PARN: variants seen among roughly 807,000 people sequenced by gnomAD.
PARN encodes poly(A)-specific ribonuclease PARN.
In PARN, 71 loss-of-function variants were observed where a neutral mutation model predicts 102.8. The observed-to-expected ratio is 0.69, with a 90% confidence interval of 0.57 to 0.84. The LOEUF (loss-of-function observed/expected upper bound fraction) is 0.84. PARN is among the 40% of genes least tolerant of loss of function. The pLI, the probability that PARN is intolerant of heterozygous loss-of-function variation, is 0.00. For missense variants in PARN, 782 were observed against 760.9 expected, an observed-to-expected ratio of 1.03 and a Z score of -0.33; for synonymous variants, 261 against 252.9, an observed-to-expected ratio of 1.03 and a Z score of -0.30.
At chr16:14,509,310 A>G (rs1206181957) in intron 21 of PARN, among the ~76,000 whole-genome samples, 1 of 152,162 alleles carries the variant, frequency 6.6e-6, no homozygotes. Context: ...CATCACCACT[A>G]AGCTGGCCCT....
At chr16:14,538,417 G>A (rs750148667) in intron 21 of PARN, among the ~76,000 whole-genome samples, 13 of 151,614 alleles carry the variant, frequency 8.6e-5, no homozygotes, top group Non-Finnish European at 1.6e-4. Flanking sequence ...ACAGGGTTTT[G>A]CCATGTTGAC....
chr16:14,439,468 C>T lies in PARN; in HGVS notation c.1865-2696G>A, dbSNP rs186601598. 7.2e-5 allele frequency among the ~76,000 whole-genome samples: 11 copies of T among 151,746 alleles called. 1 individual carries two copies. The East Asian group carries it at 1.9e-3, about 27-fold the overall frequency. ...GGAGGGAGGGAGATACTTAAAAACA[C>T]CTGCCTTTTGCTACAGTGGACCTTA... is the stretch of plus-strand genomic sequence containing the variant. On this transcript the variant is annotated intron_variant, in intron 23 of 23. Transcript: ENST00000437198.
At chr16:14,595,987 C>T (rs916680807) in intron 12 of PARN, among the ~76,000 whole-genome samples, 3 of 152,130 alleles carry the variant, frequency 2.0e-5, no homozygotes. Flanking sequence ...TATAGATCCA[C>T]ACACACATAC....
At chr16:14,581,411 T>C (rs1969526323) in intron 17 of PARN, among the ~76,000 whole-genome samples, 1 of 152,162 alleles carries the variant, frequency 6.6e-6, no homozygotes, top group Middle Eastern at 3.2e-3. Flanking sequence ...TGGTTTTTCT[T>C]GCAGATTTCC....
chr16:14,436,756 G>C lies in PARN; in HGVS notation c.1881C>G (p.Asn627Lys). The C allele has an allele frequency of 2.5e-6, 4 of 1,594,802 alleles. No homozygotes were observed. Among genetic ancestry groups the C allele is most frequent in the Non-Finnish European group, 3.4e-6 (4 of 1,170,706 alleles). The change falls in exon 24 of 24, where the codon AAC (asparagine) becomes AAG (lysine). Residue 627 changes from asparagine (N) to lysine (K), a missense_variant. Asn to Lys is a moderately conservative substitution (Grantham distance 94, BLOSUM62 0). Transcript: ENST00000437198. Reference protein sequence around the residue: ...ELSPAGSISKNSPATLFEVPD... With the variant: ...ELSPAGSISKKSPATLFEVPD... ...GAACTTCAAAGAGTGTGGCAGGGCT[G>C]TTCTTCGAGATGCTTCCTGGTGGGA...
At position 14,554,093 on chromosome 16, in the gene PARN, G is replaced by A. The variant is rs530411927; in HGVS notation, c.1377C>T (p.Ser459=). 55 of 1,612,828 alleles carry A rather than the reference G, an allele frequency of 3.4e-5. No homozygotes were observed. The South Asian group carries it at 4.8e-4, about 14-fold the overall frequency. ...AGGCACTGAAAAGCTGGTAAAGGTCGCTGGTTTTCCATTCTTTGGGGAATG... is the reference window on the plus strand; with the variant it reads ...AGGCACTGAAAAGCTGGTAAAGGTCACTGGTTTTCCATTCTTTGGGGAATG... ...HVTFPKEWKT[S]DLYQLFSAFG... is the part of the protein sequence containing the mutation. Residue 459 remains serine, a synonymous_variant, in exon 20 of 24, where the codon AGC becomes AGT. Transcript: ENST00000437198.
chr16:14,509,343 C>A (rs1239116589), intron 21 of PARN, among the ~76,000 whole-genome samples: 1 of 152,192 alleles, frequency 6.6e-6, no homozygotes, highest in Non-Finnish European at 1.5e-5. Flanking sequence ...AAAGAACAAA[C>A]AGCGCACTTA....
Position 14,436,527 on chromosome 16 carries a change from T to C in PARN, c.*190A>G. ...GATGAGTGTCAATGTCAACAGGCAG[T>C]TAGATTAAAAAGGGGAAAAAACCAC... is the stretch of plus-strand genomic sequence containing the variant. On this transcript the variant is annotated 3_prime_UTR_variant, in exon 24 of 24. Transcript: ENST00000437198. The C allele has an allele frequency of 1.7e-6, 1 of 602,950 alleles. No homozygotes were observed. The highest frequency in any genetic ancestry group is 3.0e-6 in the Non-Finnish European group (1 of 338,160). The allele number at this position is 602,950 out of a possible 1,614,324, so 37.3% of individuals were successfully genotyped here.
intron 18 of PARN, among the ~76,000 whole-genome samples, chr16:14,568,077 T>C (rs1567394527): frequency 6.6e-6 from 1 of 152,202 alleles, no homozygotes; most frequent in Non-Finnish European, 1.5e-5. Flanking sequence ...GCTGTGTTTC[T>C]TTCATAAAAT....
chr16:14,454,434 TTTTTC>T, intron 22 of PARN, among the ~76,000 whole-genome samples: 1 of 152,340 alleles, frequency 6.6e-6, no homozygotes, highest in South Asian at 2.1e-4. Context: ...TTTATCAACA[TTTTTC>T]TTTTATGGCT....
intron 23 of PARN, among the ~76,000 whole-genome samples, chr16:14,440,263 A>G (rs1960888042): frequency 6.6e-6 from 1 of 152,190 alleles, no homozygotes; most frequent in Admixed American, 6.5e-5. Flanking sequence ...ATTAGTCATT[A>G]GGGAAATAAA....
At chr16:14,612,007 G>A (rs1218154993) in intron 6 of PARN, among the ~76,000 whole-genome samples, 1 of 152,148 alleles carries the variant, frequency 6.6e-6, no homozygotes, top group Non-Finnish European at 1.5e-5. Flanking sequence ...TACAAAACAA[G>A]GAGCCAGCAG....
intron 16 of PARN, among the ~76,000 whole-genome samples, chr16:14,583,874 C>G (rs761758957): frequency 3.9e-4 from 59 of 152,164 alleles, no homozygotes; most frequent in Non-Finnish European, 7.9e-4. Flanking sequence ...TTCCTCAGTG[C>G]TGCTGTTTCT....
At chr16:14,491,572 T>C (rs1013729549) in intron 21 of PARN, among the ~76,000 whole-genome samples, 1 of 152,016 alleles carries the variant, frequency 6.6e-6, no homozygotes, top group African/African-American at 2.4e-5. Context: ...GAGACCAGCC[T>C]GGACAACATA....
At chr16:14,539,549 T>A (rs1462152125) in intron 21 of PARN, among the ~76,000 whole-genome samples, 1 of 152,218 alleles carries the variant, frequency 6.6e-6, no homozygotes, top group Non-Finnish European at 1.5e-5. Context: ...ATTAGGGATA[T>A]CAGAAAACAA....
At chr16:14,543,724 C>A (rs924268511) in intron 21 of PARN, among the ~76,000 whole-genome samples, 4 of 152,064 alleles carry the variant, frequency 2.6e-5, no homozygotes, top group East Asian at 1.9e-4. Context: ...AAACAGAATT[C>A]TTTTTAAAAA....
intron 21 of PARN, among the ~76,000 whole-genome samples, chr16:14,543,897 TAAAA>T (rs1194191925): frequency 1.3e-5 from 2 of 151,776 alleles, no homozygotes; most frequent in Non-Finnish European, 2.9e-5. Context: ...ACAGAAGAAA[TAAAA>T]AAGCAAAACC....
intron 21 of PARN, among the ~76,000 whole-genome samples, chr16:14,537,903 A>C (rs1966680303): frequency 6.6e-6 from 1 of 152,186 alleles, no homozygotes; most frequent in Admixed American, 6.5e-5. Flanking sequence ...GTTAAATAAT[A>C]ATTTATTATA....
intron 11 of PARN, 90 bp downstream of exon 11, chr16:14,604,056 G>A: frequency 1.2e-6 from 1 of 820,068 alleles, no homozygotes; most frequent in South Asian, 1.5e-5. Context: ...TCATTAAATT[G>A]AATCCAACAT....
Sources: gnomAD v4.1 joint callset for allele counts (sites outside exome capture counted in the v4.1 genomes callset) on GRCh38, gnomAD v4.1.1 for gene constraint, MANE v1.5 for transcripts, NCBI Gene and HGNC (gene_info 2026-07-23, HGNC 2026-07-21) for gene names.